Variants in NXPH1 observed in about 807,000 individuals in gnomAD.
NXPH1 encodes neurexophilin-1.
Under a neutral mutation model 23.7 loss-of-function variants are expected in NXPH1, and 5 were observed. The ratio of observed to expected loss-of-function variants is 0.21; its 90% CI spans 0.11 to 0.44. The LOEUF (loss-of-function observed/expected upper bound fraction) is 0.44. NXPH1 is among the 20% of genes least tolerant of loss of function. The probability of loss-of-function intolerance (pLI) is 0.99; values close to 1 mark genes in which losing one functional copy is unlikely to be tolerated. For missense variants in NXPH1, 324 were observed against 321.6 expected, an observed-to-expected ratio of 1.01 and a Z score of -0.06; for synonymous variants, 144 against 122.2, an observed-to-expected ratio of 1.18 and a Z score of -1.18.
intron 2 of NXPH1, among the ~76,000 whole-genome samples, chr7:8,532,808 C>T (rs1386363398): frequency 2.6e-5 from 4 of 152,074 alleles, no homozygotes; most frequent in Non-Finnish European, 4.4e-5. Flanking sequence ...TTTATACCTC[C>T]GTTTTCTCAT....
At chr7:8,572,449 CTT>C (rs1818666906) in intron 2 of NXPH1, among the ~76,000 whole-genome samples, 1 of 151,954 alleles carries the variant, frequency 6.6e-6, no homozygotes, top group Admixed American at 6.6e-5. Flanking sequence ...AAATTACTGA[CTT>C]ATTTTTTAAA....
At chr7:8,737,632 A>G (rs575542422) in intron 2 of NXPH1, among the ~76,000 whole-genome samples, 1 of 152,236 alleles carries the variant, frequency 6.6e-6, no homozygotes, top group South Asian at 2.1e-4. Context: ...TTCTTGAGGA[A>G]TATCTTTGTG....
intron 2 of NXPH1, among the ~76,000 whole-genome samples, chr7:8,490,196 A>T (rs1817226280): frequency 6.6e-6 from 1 of 152,096 alleles, no homozygotes; most frequent in African/African-American, 2.4e-5. Context: ...AAATAATTTC[A>T]TGAATGCTAC....
chr7:8,437,770 C>G (rs1186749334), intron 2 of NXPH1, among the ~76,000 whole-genome samples: 1 of 152,212 alleles, frequency 6.6e-6, no homozygotes, highest in Non-Finnish European at 1.5e-5. Context: ...CATTTGAAAA[C>G]CATTCAGTGT....
At chr7:8,632,989 G>A (rs1337122964) in intron 2 of NXPH1, among the ~76,000 whole-genome samples, 3 of 152,126 alleles carry the variant, frequency 2.0e-5, no homozygotes, top group Non-Finnish European at 4.4e-5. Flanking sequence ...TTTTCAAATT[G>A]TAATTAATTC....
At chr7:8,615,292 A>G (rs892888408) in intron 2 of NXPH1, among the ~76,000 whole-genome samples, 1 of 152,090 alleles carries the variant, frequency 6.6e-6, no homozygotes, top group Admixed American at 6.6e-5. Context: ...GCTAAACATG[A>G]GGATTCAAAC....
intron 2 of NXPH1, among the ~76,000 whole-genome samples, chr7:8,443,290 T>TC (rs1452479590): frequency 6.6e-6 from 1 of 152,190 alleles, no homozygotes; most frequent in Non-Finnish European, 1.5e-5. Context: ...ATCCTTCTTT[T>TC]CCCCAACTTC....
intron 2 of NXPH1, among the ~76,000 whole-genome samples, chr7:8,587,695 C>G (rs943933769): frequency 6.6e-6 from 1 of 151,962 alleles, no homozygotes; most frequent in African/African-American, 2.4e-5. Context: ...TCCATGTGTT[C>G]TTATTGTTCA....
intron 2 of NXPH1, among the ~76,000 whole-genome samples, chr7:8,553,560 A>G (rs773050350): frequency 6.6e-6 from 1 of 151,580 alleles, no homozygotes; most frequent in Non-Finnish European, 1.5e-5. Flanking sequence ...GCCTTAATTC[A>G]GAATGGGTCT....
At chr7:8,697,909 CCT>C (rs1273802003) in intron 2 of NXPH1, among the ~76,000 whole-genome samples, 2 of 152,118 alleles carry the variant, frequency 1.3e-5, no homozygotes, top group Non-Finnish European at 2.9e-5. Flanking sequence ...AGAGATGACT[CCT>C]ATAGGCAGGA....
rs1280441421 is a variant in NXPH1, at chr7:8,506,648, T to A, written c.54+70881T>A. On this transcript the variant is annotated intron_variant, in intron 2 of 2. Transcript: ENST00000405863. ...ATTTGATTTGAGTGGGAAGACAGGA[T>A]CCTGTTTAAGGAAGTCAGAGAAGTT... is the stretch of plus-strand genomic sequence containing the variant. Among the ~76,000 whole-genome samples, 4 of 152,098 alleles carry A rather than the reference T, an allele frequency of 2.6e-5. No homozygotes were observed. The East Asian group carries it at 7.8e-4, about 30-fold the overall frequency.
At chr7:8,575,765 T>G (rs1042386960) in intron 2 of NXPH1, among the ~76,000 whole-genome samples, 6 of 152,250 alleles carry the variant, frequency 3.9e-5, no homozygotes, top group Non-Finnish European at 7.4e-5. Flanking sequence ...ATCTTTTTTT[T>G]TTTTAAATAA....
intron 2 of NXPH1, among the ~76,000 whole-genome samples, chr7:8,746,536 C>T (rs1052098711): frequency 4.6e-5 from 7 of 152,162 alleles, no homozygotes; most frequent in African/African-American, 1.7e-4. Context: ...ACTTTATTTG[C>T]CATATATTTA....
intron 2 of NXPH1, among the ~76,000 whole-genome samples, chr7:8,568,397 T>C (rs1341792427): frequency 6.6e-6 from 1 of 151,938 alleles, no homozygotes; most frequent in Non-Finnish European, 1.5e-5. Flanking sequence ...TTTTAAATGA[T>C]AAATTTTTAC....
chr7:8,483,569 A>C (rs986911997), intron 2 of NXPH1, among the ~76,000 whole-genome samples: 1 of 152,132 alleles, frequency 6.6e-6, no homozygotes, highest in Non-Finnish European at 1.5e-5. Context: ...TCAGCCTCCC[A>C]AACGGCTGGG....
chr7:8,733,683 C>G (rs199950774), intron 2 of NXPH1, among the ~76,000 whole-genome samples: 53 of 152,028 alleles, frequency 3.5e-4, no homozygotes, highest in Admixed American at 1.0e-3. Context: ...TGTCTTCTTT[C>G]GAGAAGTGTC....
At chr7:8,453,292 C>T (rs937754929) in intron 2 of NXPH1, among the ~76,000 whole-genome samples, 1 of 151,950 alleles carries the variant, frequency 6.6e-6, no homozygotes, top group African/African-American at 2.4e-5. Flanking sequence ...TCTTAGTCAC[C>T]GAACATCTGA....
rs1820205400 is a variant in NXPH1, at chr7:8,635,505, A to G, written c.55-115503A>G. 5.3e-5 allele frequency among the ~76,000 whole-genome samples: 8 copies of G among 152,160 alleles called. No homozygotes were observed. In the South Asian group the frequency reaches 1.7e-3, roughly 31 times the overall value. On this transcript the variant is annotated intron_variant, in intron 2 of 2. Coordinates refer to ENST00000405863, the MANE Select transcript of NXPH1 (RefSeq NM_152745.3). ...ATTGGTTTCTGGTATTTCCTCCATT[A>G]TCAAGACCACTGCTAAATCTTAAGG...
intron 2 of NXPH1, among the ~76,000 whole-genome samples, chr7:8,622,338 A>G (rs950203114): frequency 3.3e-5 from 5 of 152,226 alleles, no homozygotes; most frequent in African/African-American, 1.2e-4. Context: ...GTATTTAAGT[A>G]GCTTATACAA....
Sources: gnomAD v4.1 joint callset for allele counts (sites outside exome capture counted in the v4.1 genomes callset) on GRCh38, gnomAD v4.1.1 for gene constraint, MANE v1.5 for transcripts, NCBI Gene and HGNC (gene_info 2026-07-23, HGNC 2026-07-21) for gene names.